Variants in P3H2 observed in about 807,000 individuals in gnomAD.
P3H2 encodes prolyl 3-hydroxylase 2.
Under a neutral mutation model 87.0 loss-of-function variants are expected in P3H2, and 80 were observed. The ratio of observed to expected loss-of-function variants is 0.92; its 90% CI spans 0.77 to 1.11. P3H2 has a LOEUF of 1.11. Ranked by LOEUF, P3H2 falls within the 50% of genes least tolerant of loss-of-function variation. The pLI, the probability that P3H2 is intolerant of heterozygous loss-of-function variation, is 0.00. For synonymous variants in P3H2, 367 were observed against 359.3 expected, an observed-to-expected ratio of 1.02 and a Z score of -0.24; for missense variants, 1,001 against 923.9, an observed-to-expected ratio of 1.08 and a Z score of -1.08.
chr3:190,023,955 G>A (rs888438807), intron 1 of P3H2, among the ~76,000 whole-genome samples: 11 of 152,158 alleles, frequency 7.2e-5, no homozygotes, highest in Non-Finnish European at 1.6e-4. Flanking sequence ...CATTACTGGT[G>A]AGATATAAAG....
At chr3:190,078,539 G>T (rs1362899372) in intron 1 of P3H2, among the ~76,000 whole-genome samples, 2 of 152,082 alleles carry the variant, frequency 1.3e-5, no homozygotes, top group Non-Finnish European at 2.9e-5. Context: ...TGATTAGAGG[G>T]AATTGTGTAT....
At chr3:190,011,602 C>G (rs1394071529) in intron 1 of P3H2, among the ~76,000 whole-genome samples, 1 of 152,094 alleles carries the variant, frequency 6.6e-6, no homozygotes, top group Non-Finnish European at 1.5e-5. Flanking sequence ...CTGAAAACCC[C>G]AAATACCAGA....
intron 3 of P3H2, among the ~76,000 whole-genome samples, chr3:189,990,561 G>A (rs1723846047): frequency 6.6e-6 from 1 of 151,842 alleles, no homozygotes; most frequent in African/African-American, 2.4e-5. Flanking sequence ...TATCCTTTAG[G>A]GTTTCATAGC....
intron 1 of P3H2, among the ~76,000 whole-genome samples, chr3:190,103,196 A>G (rs575569642): frequency 6.6e-6 from 1 of 152,334 alleles, no homozygotes; most frequent in South Asian, 2.1e-4. Context: ...TTTTCTAAAT[A>G]ACTGTGTAAA....
chr3:190,045,897 A>C (rs528430217), intron 1 of P3H2, among the ~76,000 whole-genome samples: 2 of 152,110 alleles, frequency 1.3e-5, no homozygotes, highest in African/African-American at 2.4e-5. Context: ...CAAGGTGGGC[A>C]GATCACGAGG....
intron 3 of P3H2, among the ~76,000 whole-genome samples, chr3:189,990,874 C>T (rs1055182387): frequency 6.6e-6 from 1 of 152,152 alleles, no homozygotes. Context: ...GATCTCTATT[C>T]TTTTCCAGCT....
At chr3:189,985,596 A>G (rs1723671363) in intron 6 of P3H2, among the ~76,000 whole-genome samples, 1 of 149,036 alleles carries the variant, frequency 6.7e-6, no homozygotes, top group African/African-American at 2.4e-5. Context: ...GTAATCATAT[A>G]TAATTATATA....
At position 190,016,447 on chromosome 3, in the gene P3H2, G is replaced by A. The variant is rs1037412762; in HGVS notation, c.481-21005C>T. Among the ~76,000 whole-genome samples, 8 of 151,992 alleles carry A rather than the reference G, an allele frequency of 5.3e-5. No homozygotes were observed. The South Asian group carries it at 6.2e-4, about 12-fold the overall frequency. On this transcript the variant is annotated intron_variant, in intron 1 of 14. Coordinates refer to ENST00000319332, the MANE Select transcript of P3H2 (RefSeq NM_018192.4). ...TTTAGTAGAGACAGGGTTTCACCAC[G>A]TTGGCCATGCTGTCTTGAACTCCTG... is the stretch of plus-strand genomic sequence containing the variant.
intron 1 of P3H2, among the ~76,000 whole-genome samples, chr3:190,050,554 T>C (rs1560379352): frequency 6.6e-6 from 1 of 152,216 alleles, no homozygotes; most frequent in African/African-American, 2.4e-5. Context: ...TTGATTCCAA[T>C]TAATTTACTA....
intron 1 of P3H2, among the ~76,000 whole-genome samples, chr3:190,084,359 T>C (rs1178149136): frequency 4.6e-5 from 7 of 152,230 alleles, no homozygotes; most frequent in Non-Finnish European, 1.0e-4. Flanking sequence ...TCACAAACTT[T>C]TGCCATAATT....
chr3:190,003,294 C>A (rs1020383769), intron 1 of P3H2, among the ~76,000 whole-genome samples: 1 of 152,086 alleles, frequency 6.6e-6, no homozygotes, highest in Non-Finnish European at 1.5e-5. Context: ...TAGTGTTAAA[C>A]ACTAATGGTG....
intron 1 of P3H2, among the ~76,000 whole-genome samples, chr3:190,119,328 T>C (rs1712440544): frequency 6.6e-6 from 1 of 151,902 alleles, no homozygotes; most frequent in South Asian, 2.1e-4. Flanking sequence ...GAAGATACAT[T>C]GATATATTAA....
rs1160744933 is a variant in P3H2 at position 189,964,090 on chromosome 3, T to C, written c.1902A>G (p.Ile634Met). 7 of 1,614,032 alleles carry C rather than the reference T, an allele frequency of 4.3e-6. No homozygotes were observed. The highest frequency in any genetic ancestry group is 5.9e-6 in the Non-Finnish European group (7 of 1,180,002). Residue 634 changes from isoleucine to methionine, a missense_variant, in exon 14 of 15, where the codon ATA becomes ATG. Coordinates refer to ENST00000319332, the MANE Select transcript of P3H2 (RefSeq NM_018192.4). ...EMDAKTVTAS[I>M]KPKCGRMISF... is the part of the protein sequence containing the mutation. ...TGATCATGCGCCCACATTTTGGTTT[T>C]ATAGAGGCCTGAGAAAGAAAGCAAA...
rs190899397 is a variant in P3H2 at position 190,048,572 on chromosome 3, T to C, written c.481-53130A>G. Reference sequence around the variant, plus strand: ...GATGATTTTTGTACCTGGTAGGCTATTGATGAACTATGACATTAATAACCA... The same window carrying C: ...GATGATTTTTGTACCTGGTAGGCTACTGATGAACTATGACATTAATAACCA... On this transcript the variant is annotated intron_variant, in intron 1 of 14. Transcript: ENST00000319332. 4.1e-3 allele frequency among the ~76,000 whole-genome samples: 627 copies of C among 152,340 alleles called. 3 individuals carry two copies. The highest frequency in any genetic ancestry group is 7.2e-3 in the Non-Finnish European group (487 of 68,030).
intron 1 of P3H2, among the ~76,000 whole-genome samples, chr3:190,040,361 G>A (rs187446949): frequency 1.3e-4 from 20 of 152,212 alleles, no homozygotes; most frequent in African/African-American, 4.6e-4. Flanking sequence ...ATTACCTGAG[G>A]CTTGTAAGGG....
chr3:190,017,717 G>A (rs1162196364), intron 1 of P3H2, among the ~76,000 whole-genome samples: 2 of 152,106 alleles, frequency 1.3e-5, no homozygotes, highest in African/African-American at 2.4e-5. Flanking sequence ...CTTGGAGAAG[G>A]AGCAAACACT....
At chr3:190,050,771 A>T (rs143070531) in intron 1 of P3H2, among the ~76,000 whole-genome samples, 1 of 152,186 alleles carries the variant, frequency 6.6e-6, no homozygotes, top group Non-Finnish European at 1.5e-5. Flanking sequence ...TTATAAAGTT[A>T]TAATATCTCA....
intron 1 of P3H2, among the ~76,000 whole-genome samples, chr3:190,105,456 G>T (rs1711795643): frequency 2.6e-5 from 4 of 152,042 alleles, no homozygotes; most frequent in Non-Finnish European, 5.9e-5. Flanking sequence ...CTCATATATG[G>T]TTTTGAGCCT....
At chr3:190,076,797 T>C (rs576850052) in intron 1 of P3H2, among the ~76,000 whole-genome samples, 9 of 152,324 alleles carry the variant, frequency 5.9e-5, no homozygotes, top group African/African-American at 2.2e-4. Context: ...CCTTCTCTTA[T>C]AAACACTGCA....
Sources: allele counts gnomAD v4.1 joint callset (sites outside exome capture counted in the v4.1 genomes callset), GRCh38; gene constraint gnomAD v4.1.1; transcripts MANE v1.5; gene names NCBI Gene and HGNC (gene_info 2026-07-23, HGNC 2026-07-21).